CYP2R1: variants seen among roughly 807,000 people sequenced by gnomAD.
CYP2R1 encodes cytochrome P450 family 2 subfamily R member 1.
In CYP2R1, 40 loss-of-function variants were observed where a neutral mutation model predicts 45.7. The ratio of observed to expected loss-of-function variants is 0.87; its 90% CI spans 0.68 to 1.14. CYP2R1 has a LOEUF of 1.14. Ranked by LOEUF, CYP2R1 falls within the 50% of genes most tolerant of loss-of-function variation. CYP2R1 has a pLI of 0.00. For missense variants in CYP2R1, 605 were observed against 602.6 expected, an observed-to-expected ratio of 1.00 and a Z score of -0.04; for synonymous variants, 234 against 219.3, an observed-to-expected ratio of 1.07 and a Z score of -0.59.
chr11:14,892,319 C>G, upstream of CYP2R1: 1 of 1,035,330 alleles, frequency 9.7e-7, no homozygotes, highest in Non-Finnish European at 1.4e-6. Context: ...AGCTCCGTGG[C>G]CATTGGCTGA....
rs782462536 is a variant in CYP2R1, at chr11:14,880,782, T to A, written c.368-14A>T. ...AATTGAGTAAGCCTGAAAAAAAATA[T>A]TAAAATATTGTATAATTCCTACTTC... On this transcript the variant is annotated splice_polypyrimidine_tract_variant and intron_variant, in intron 2 of 4. Coordinates refer to ENST00000334636, the MANE Select transcript of CYP2R1 (RefSeq NM_024514.5). The A allele has an allele frequency of 3.1e-6, 5 of 1,599,604 alleles. No homozygotes were observed. The African/African-American group carries it at 6.8e-5, about 22-fold the overall frequency.
At chr11:14,890,763 C>G in intron 1 of CYP2R1, 1 of 614,794 alleles carries the variant, frequency 1.6e-6, no homozygotes, top group Non-Finnish European at 2.0e-6. Context: ...TTAGCCACGA[C>G]GGTCTCGATC....
rs1423154657 is a variant in CYP2R1, at chr11:14,884,214, A to G, written c.367+1562T>C. On this transcript the variant is annotated intron_variant, in intron 2 of 4. Coordinates refer to ENST00000334636, the MANE Select transcript of CYP2R1 (RefSeq NM_024514.5). ...CCAAAGGACTATAAATCATGCTGCT[A>G]TAAAGACACATGCACACATATGTTT... 3.3e-5 allele frequency among the ~76,000 whole-genome samples: 5 copies of G among 152,106 alleles called. No homozygotes were observed. In the East Asian group the frequency reaches 6.0e-4, roughly 18 times the overall value.
intron 1 of CYP2R1, among the ~76,000 whole-genome samples, chr11:14,889,638 C>A (rs1373220450): frequency 1.3e-5 from 2 of 152,072 alleles, no homozygotes; most frequent in African/African-American, 4.8e-5. Flanking sequence ...ACAGTGGTAC[C>A]AGCAATAAAA....
At position 14,885,890 on chromosome 11, in the gene CYP2R1, A is replaced by G. The variant is rs1000712687; in HGVS notation, c.253T>C (p.Ser85Pro). The G allele has an allele frequency of 7.4e-6, 12 of 1,613,472 alleles. No homozygotes were observed. In the Admixed American group the frequency reaches 2.0e-4, roughly 27 times the overall value. Residue 85 changes from serine to proline, a missense_variant, in exon 2 of 5, where the codon TCA becomes CCA. Ser to Pro is a moderately conservative substitution (Grantham distance 74). Transcript: ENST00000334636. ...EIFSLDLGGI[S>P]TVVLNGYDVV... ...TCATAGCCATTTAGAACCACAGTTG[A>G]TATGCCTCCAAGATCTAAACTGAAG...
chr11:14,891,987 G>A lies in CYP2R1; in HGVS notation c.219C>T (p.Tyr73=), dbSNP rs1306247629. Residue 73 remains tyrosine (Y), a synonymous_variant, in exon 1 of 5, where the codon TAC becomes TAT. Transcript: ENST00000334636. The part of the protein sequence containing the change: ...HVYMRKQSQV[Y]GEIFSLDLGG... ...GGGCCCGTCGGGGCTGTACCTCTCC[G>A]TACACCTGGCTCTGCTTTCTCATGT... The A allele has an allele frequency of 4.3e-6, 7 of 1,613,240 alleles. No individual in the cohort carries two copies. Among genetic ancestry groups the A allele is most frequent in the Non-Finnish European group, 5.9e-6 (7 of 1,179,754 alleles).
chr11:14,890,800 G>A (rs1483221618), intron 1 of CYP2R1: 5 of 897,462 alleles, frequency 5.6e-6, no homozygotes, highest in Non-Finnish European at 6.7e-6. Flanking sequence ...CGCCCGCCTC[G>A]GCCTCCTAAA....
Position 14,878,282 on chromosome 11 carries a change from A to C in CYP2R1, c.1346T>G (p.Leu449Arg), listed in dbSNP as rs781794360. ...TTCCATCCGAGCCAAGTGTTCTCCA[A>C]GACAATGTCTTCTTCCTAAACAGAA... ...VPFSLGRRHC[L>R]GEHLARMEMF... The change falls in exon 5 of 5, where the codon CTT (leucine) becomes CGT (arginine). Residue 449 changes from leucine to arginine, a missense_variant. By Grantham distance (102) the Leu-to-Arg change is moderately radical (BLOSUM62 -2). Transcript: ENST00000334636. 6.2e-7 allele frequency: 1 copy of C among 1,613,012 alleles called. No homozygotes were observed. The highest frequency in any genetic ancestry group is 8.5e-7 in the Non-Finnish European group (1 of 1,179,332).
chr11:14,891,756 C>G (rs1032051292), intron 1 of CYP2R1: 15 of 1,373,616 alleles, frequency 1.1e-5, no homozygotes, highest in Non-Finnish European at 1.4e-5. Flanking sequence ...AGCCTCGGCC[C>G]GGAGTGGGTC....
At chr11:14,880,881 C>T (rs1284459697) in intron 2 of CYP2R1, 113 bp from the exon 3 acceptor site, 2 of 979,238 alleles carry the variant, frequency 2.0e-6, no homozygotes, top group Non-Finnish European at 3.0e-6. Context: ...AATTGTCCTC[C>T]TATATAACTA....
intron 1 of CYP2R1, chr11:14,886,811 C>T (rs1848636841): frequency 6.6e-6 from 1 of 152,282 alleles, no homozygotes; most frequent in African/African-American, 2.4e-5. Flanking sequence ...AGCCATGGTA[C>T]ACACTACTTC....
At chr11:14,879,832 G>A (rs1421579698) in intron 3 of CYP2R1, among the ~76,000 whole-genome samples, 3 of 152,136 alleles carry the variant, frequency 2.0e-5, no homozygotes, top group East Asian at 1.9e-4. Context: ...AAGAAAAATA[G>A]TAAAGCATAA....
chr11:14,890,166 C>T (rs1848778198), intron 1 of CYP2R1, among the ~76,000 whole-genome samples: 1 of 151,744 alleles, frequency 6.6e-6, no homozygotes, highest in Non-Finnish European at 1.5e-5. Context: ...TACACAATAA[C>T]CAAGAACACT....
intron 1 of CYP2R1, chr11:14,891,021 G>C: frequency 1.0e-6 from 1 of 985,442 alleles, no homozygotes; most frequent in East Asian, 1.1e-4. Context: ...TTAAAAGGCT[G>C]TATCTGCCTT....
intron 1 of CYP2R1, 42 bp from the exon 2 acceptor site, chr11:14,885,959 TATGGAGAAATATAACC>T: frequency 6.3e-7 from 1 of 1,584,734 alleles, no homozygotes; most frequent in South Asian, 1.1e-5. Flanking sequence ...TGACAGCATG[TATGGAGAAATATAACC>T]ATGGAAATCT....
rs200462787 is a variant in CYP2R1 at position 14,892,207 on chromosome 11, G to C, written c.-2C>G. The C allele has an allele frequency of 4.4e-6, 7 of 1,609,016 alleles. No individual in the cohort carries two copies. In the South Asian group the frequency reaches 5.5e-5, roughly 13 times the overall value. The stretch of plus-strand genomic sequence containing the variant: ...TTCAGCTCTCCAAAGCTTCCACATC[G>C]GCCCGAGCTGGAGGTGCGAACTCCA... On this transcript the variant is annotated 5_prime_UTR_variant, in exon 1 of 5. Transcript: ENST00000334636.
At chr11:14,882,628 G>C (rs1555012753) in intron 2 of CYP2R1, among the ~76,000 whole-genome samples, 1 of 152,142 alleles carries the variant, frequency 6.6e-6, no homozygotes, top group African/African-American at 2.4e-5. Flanking sequence ...TCCAAGGTCA[G>C]TACATAGTAC....
chr11:14,891,624 G>A (rs781813973), intron 1 of CYP2R1: 41 of 1,075,658 alleles, frequency 3.8e-5, no homozygotes, highest in Admixed American at 5.1e-5. Flanking sequence ...CAAGACGCCC[G>A]CACCTGAGGG....
At chr11:14,882,934 T>C (rs1363370443) in intron 2 of CYP2R1, among the ~76,000 whole-genome samples, 2 of 152,100 alleles carry the variant, frequency 1.3e-5, no homozygotes, top group African/African-American at 2.4e-5. Context: ...CCATTCACAA[T>C]TGCTTCAAAG....
Sources: allele counts gnomAD v4.1 joint callset (sites outside exome capture counted in the v4.1 genomes callset), GRCh38; gene constraint gnomAD v4.1.1; transcripts MANE v1.5; gene names NCBI Gene and HGNC (gene_info 2026-07-23, HGNC 2026-07-21).